SCMH1: variants seen among roughly 807,000 people sequenced by gnomAD.
SCMH1 encodes the protein Scm polycomb group protein homolog 1, also known as polycomb protein SCMH1.
A neutral mutation model predicts 70.8 loss-of-function variants in SCMH1; 37 were observed. That is an observed-to-expected ratio of 0.52 (90% CI 0.40 to 0.69). The LOEUF is 0.69. SCMH1 is among the 30% of genes least tolerant of loss of function. The pLI, the probability that SCMH1 is intolerant of heterozygous loss-of-function variation, is 0.00. For synonymous variants in SCMH1, 292 were observed against 307.4 expected (o/e 0.95, Z 0.52); for missense variants, 607 against 827.3 (o/e 0.73, Z 3.27).
rs548082137 is a variant in SCMH1, at chr1:41,033,557, C to G, written c.1678+3805G>C. Among the ~76,000 whole-genome samples the G allele has an allele frequency of 5.3e-5, 8 of 152,260 alleles. No individual in the cohort carries two copies. The South Asian group carries it at 1.7e-3, about 32-fold the overall frequency. ...TGCAGACAGCCTATGGCAAAGCTCT[C>G]CCCATCGCCCCTCAATGTGTACGGC... On this transcript the variant is annotated intron_variant, in intron 13 of 14. Transcript: ENST00000337495.
Position 41,117,529 on chromosome 1 carries a change from C to T in SCMH1, c.413-519G>A, listed in dbSNP as rs186691597. Among the ~76,000 whole-genome samples, 620 of 152,122 alleles carry T rather than the reference C, an allele frequency of 4.1e-3. 9 individuals are homozygous for T. The highest frequency in any genetic ancestry group is 0.023 in the South Asian group (110 of 4,800). ...TTTCCCCGGGGAAGTTTAGAGAAGA[C>T]TCTACTCCTCCACCTCTTGCGGAGG... On this transcript the variant is annotated intron_variant, in intron 6 of 14. Transcript: ENST00000337495.
chr1:41,115,218 T>C (rs1037097662), intron 7 of SCMH1, among the ~76,000 whole-genome samples: 6 of 152,216 alleles, frequency 3.9e-5, no homozygotes, highest in African/African-American at 1.2e-4. Context: ...CTGATTGACA[T>C]ACCAATTCTT....
At chr1:41,220,679 A>C (rs1458320786) in intron 1 of SCMH1, among the ~76,000 whole-genome samples, 2 of 152,234 alleles carry the variant, frequency 1.3e-5, no homozygotes, top group African/African-American at 4.8e-5. Context: ...CAGAAATGAA[A>C]GACGTGGTCC....
rs139465207 is a variant in SCMH1, at chr1:41,032,615, C to G, written c.1679-3889G>C. 2.8e-3 allele frequency among the ~76,000 whole-genome samples: 429 copies of G among 152,176 alleles called. 4 individuals are homozygous for G. Among genetic ancestry groups the G allele is most frequent in the African/African-American group, 9.8e-3 (405 of 41,496 alleles). ...CACAGGAGTTACATGAACCAACTTGCAATAAGAAGGATCACTCTCATTGTC... is the reference window on the plus strand; with the variant it reads ...CACAGGAGTTACATGAACCAACTTGGAATAAGAAGGATCACTCTCATTGTC... On this transcript the variant is annotated intron_variant, in intron 13 of 14. Coordinates refer to ENST00000337495, the Ensembl canonical transcript of SCMH1.
chr1:41,105,534 AAAG>A (rs1667677647), intron 8 of SCMH1, among the ~76,000 whole-genome samples: 1 of 152,242 alleles, frequency 6.6e-6, no homozygotes, highest in South Asian at 2.1e-4. Context: ...GACATGACAG[AAAG>A]AAGAATTTTA....
intron 2 of SCMH1, among the ~76,000 whole-genome samples, chr1:41,184,978 CTT>C (rs2148628760): frequency 6.6e-6 from 1 of 152,232 alleles, no homozygotes; most frequent in Non-Finnish European, 1.5e-5. Flanking sequence ...AAGATTATGT[CTT>C]ATTCTCCTTA....
At chr1:41,027,600 C>T (rs1462305096) in exon 15 of SCMH1, 4 of 152,422 alleles carry the variant, frequency 2.6e-5, no homozygotes, top group Admixed American at 2.0e-4. Context: ...AGGGTAGTGT[C>T]CTCTGAAGAG....
intron 13 of SCMH1, among the ~76,000 whole-genome samples, chr1:41,034,626 C>T (rs530492194): frequency 2.0e-5 from 3 of 152,094 alleles, no homozygotes; most frequent in Admixed American, 6.5e-5. Flanking sequence ...CGTGCCCGGC[C>T]GAGGTGACTT....
intron 10 of SCMH1, among the ~76,000 whole-genome samples, chr1:41,064,757 AT>A (rs139455938): frequency 0.077 from 11,623 of 151,932 alleles, 564 homozygotes; most frequent in South Asian, 0.12. Context: ...TATAAAAAAA[AT>A]AAAAATAAAA....
chr1:41,040,779 G>A (rs551146554), intron 12 of SCMH1, among the ~76,000 whole-genome samples: 27 of 152,232 alleles, frequency 1.8e-4, no homozygotes, highest in Admixed American at 1.7e-3. Flanking sequence ...TAGGAGAATC[G>A]CTTGAACCCG....
chr1:41,241,803 G>C (rs1342948290), intron 1 of SCMH1, among the ~76,000 whole-genome samples: 1 of 151,836 alleles, frequency 6.6e-6, no homozygotes, highest in Admixed American at 6.6e-5. Flanking sequence ...GGCCGCGACC[G>C]GACCGTGGGC....
chr1:41,153,663 T>C (rs1282332183), intron 4 of SCMH1, among the ~76,000 whole-genome samples: 1 of 152,216 alleles, frequency 6.6e-6, no homozygotes, highest in African/African-American at 2.4e-5. Flanking sequence ...CTGTTTAAAG[T>C]AGTTCACCCA....
chr1:41,074,629 G>C (rs540174094), intron 9 of SCMH1, among the ~76,000 whole-genome samples: 1 of 152,088 alleles, frequency 6.6e-6, no homozygotes, highest in Non-Finnish European at 1.5e-5. Flanking sequence ...GGTTAACAAA[G>C]AGCAGTTTCT....
At chr1:41,046,632 GC>G in intron 11 of SCMH1, 34 bp from the exon 12 acceptor site, 1 of 1,562,906 alleles carries the variant, frequency 6.4e-7, no homozygotes, top group Non-Finnish European at 8.8e-7. Flanking sequence ...AAGCATGTCA[GC>G]CTGGCAGTGG....
intron 4 of SCMH1, chr1:41,159,634 C>G: frequency 7.4e-7 from 1 of 1,355,244 alleles, no homozygotes; most frequent in East Asian, 2.8e-5. Flanking sequence ...CATGTTTTTT[C>G]TACCACACAT....
intron 8 of SCMH1, among the ~76,000 whole-genome samples, chr1:41,087,783 A>G (rs1662141304): frequency 6.6e-6 from 1 of 152,128 alleles, no homozygotes; most frequent in African/African-American, 2.4e-5. Context: ...TTACCCTTGG[A>G]CCCAAGAATA....
chr1:41,131,111 T>G (rs532006446), intron 6 of SCMH1, among the ~76,000 whole-genome samples: 1 of 152,336 alleles, frequency 6.6e-6, no homozygotes, highest in Middle Eastern at 3.4e-3. Flanking sequence ...ACTTCATTTT[T>G]TTCTATGTGA....
intron 13 of SCMH1, among the ~76,000 whole-genome samples, chr1:41,034,413 G>A (rs186807212): frequency 3.3e-5 from 5 of 151,028 alleles, no homozygotes; most frequent in Admixed American, 3.3e-4. Context: ...CTGCAAACTC[G>A]GCCTCCTGGG....
chr1:41,200,321 CA>C (rs1311915001), intron 1 of SCMH1, among the ~76,000 whole-genome samples: 1 of 151,628 alleles, frequency 6.6e-6, no homozygotes, highest in Non-Finnish European at 1.5e-5. Flanking sequence ...ACTAAAAATA[CA>C]AAAAAACATT....
Sources: gnomAD v4.1 joint callset for allele counts (sites outside exome capture counted in the v4.1 genomes callset) on GRCh38, gnomAD v4.1.1 for gene constraint, MANE v1.5 for transcripts, NCBI Gene and HGNC (gene_info 2026-07-23, HGNC 2026-07-21) for gene names.